Variants in PPA1 observed in about 807,000 individuals in gnomAD.
The protein encoded by PPA1 is inorganic pyrophosphatase.
Under a neutral mutation model 41.8 loss-of-function variants are expected in PPA1, and 23 were observed. The ratio of observed to expected loss-of-function variants is 0.55; its 90% CI spans 0.40 to 0.78. The LOEUF is 0.78. PPA1 is among the 30% of genes least tolerant of loss of function. PPA1 has a pLI of 0.00. For synonymous variants in PPA1, 101 were observed against 116.8 expected (o/e 0.86, Z 0.87); for missense variants, 320 against 361.6 (o/e 0.89, Z 0.93).
intron 9 of PPA1, 173 bp downstream of exon 9, chr10:70,206,091 C>T (rs1839936234): frequency 1.7e-6 from 1 of 596,396 alleles, no homozygotes; most frequent in Admixed American, 2.9e-5. Context: ...GCTTCTCCCT[C>T]AGTCAAATGG....
At chr10:70,216,360 G>A (rs997153192) in intron 4 of PPA1, among the ~76,000 whole-genome samples, 25 of 151,998 alleles carry the variant, frequency 1.6e-4, no homozygotes, top group East Asian at 7.7e-4. Context: ...GGTGGTAGGC[G>A]CCTGTAATCC....
intron 5 of PPA1, 75 bp from the exon 6 acceptor site, chr10:70,213,664 G>C: frequency 6.7e-7 from 1 of 1,483,680 alleles, no homozygotes; most frequent in South Asian, 1.4e-5. Flanking sequence ...TGGCTAACAG[G>C]AAATAAGAAA....
intron 2 of PPA1, among the ~76,000 whole-genome samples, chr10:70,229,433 T>A (rs1405221455): frequency 6.6e-6 from 1 of 152,238 alleles, no homozygotes; most frequent in Non-Finnish European, 1.5e-5. Flanking sequence ...TTCTGGTGTA[T>A]ACAGTTGTAG....
At chr10:70,219,109 C>T (rs1296944894) in intron 2 of PPA1, among the ~76,000 whole-genome samples, 2 of 152,072 alleles carry the variant, frequency 1.3e-5, no homozygotes, top group Non-Finnish European at 2.9e-5. Context: ...TACTGTGTTG[C>T]CCAGGCTGGT....
intron 9 of PPA1, 118 bp from the exon 10 acceptor site, chr10:70,205,033 G>GT: frequency 1.4e-6 from 1 of 699,652 alleles, no homozygotes; most frequent in Admixed American, 2.9e-5. Flanking sequence ...GGATCTAAAC[G>GT]TAATTTATAA....
intron 2 of PPA1, among the ~76,000 whole-genome samples, chr10:70,220,020 T>A (rs1840119458): frequency 6.6e-6 from 1 of 151,004 alleles, no homozygotes; most frequent in Non-Finnish European, 1.5e-5. Context: ...CTCTGCCTCC[T>A]GAGTTCAAGT....
At chr10:70,214,134 C>T (rs1263328191) in intron 5 of PPA1, among the ~76,000 whole-genome samples, 6 of 152,136 alleles carry the variant, frequency 3.9e-5, no homozygotes, top group African/African-American at 1.4e-4. Flanking sequence ...TTATTTGGTT[C>T]GGGTCAATTT....
At chr10:70,214,176 G>A (rs1840052115) in intron 5 of PPA1, among the ~76,000 whole-genome samples, 1 of 152,106 alleles carries the variant, frequency 6.6e-6, no homozygotes, top group African/African-American at 2.4e-5. Flanking sequence ...GGCAAGATTT[G>A]CCATGTTTTG....
At position 70,233,192 on chromosome 10, in the gene PPA1, C is replaced by G. The variant is rs543084158; in HGVS notation, c.64+72G>C. ...CCTGGGGCCGAGCGCGGGCCGCACC[C>G]TCCCGGGGAGGCAAGGCCCGGGAAT... On this transcript the variant is annotated intron_variant, in intron 1 of 10. Transcript: ENST00000373232. The G allele has an allele frequency of 1.7e-5, 25 of 1,485,784 alleles. No homozygotes were observed. The East Asian group carries it at 6.8e-4, about 41-fold the overall frequency. The allele number at this position is 1,485,784 out of a possible 1,614,324, so 92.0% of individuals were successfully genotyped here.
chr10:70,218,688 C>T, intron 3 of PPA1, 76 bp downstream of exon 3: 1 of 1,172,472 alleles, frequency 8.5e-7, no homozygotes, highest in Non-Finnish European at 1.3e-6. Flanking sequence ...TCAGATGGTT[C>T]ATCCTTGATC....
intron 8 of PPA1, 23 bp downstream of exon 8, chr10:70,209,182 A>C: frequency 6.6e-7 from 1 of 1,512,650 alleles, no homozygotes; most frequent in Non-Finnish European, 9.2e-7. Context: ...TGTGTGTTAA[A>C]CATGCAAAGT....
At chr10:70,206,235 G>GTT (rs562005919) in intron 9 of PPA1, 29 bp downstream of exon 9, 92 of 1,291,222 alleles carry the variant, frequency 7.1e-5, no homozygotes, top group Middle Eastern at 2.0e-4. Context: ...AACCAGGCTT[G>GTT]TTTTTTTTTT....
In PPA1 at chr10:70,218,813, A is replaced by G. The variant is rs1840105131; in HGVS notation, c.128T>C (p.Val43Ala). Residue 43 changes from valine to alanine, a missense_variant, in exon 3 of 11, where the codon GTG becomes GCG. Coordinates refer to ENST00000373232, the MANE Select transcript of PPA1 (RefSeq NM_021129.4). ...TGGTACTTCAACTACCATGTGAAAC[A>G]CATCCTGAAAAAACAAAGAGAAAGT... ...HDIPIYADKDVFHMVVEVPRW... is the reference protein window; with the variant it reads ...HDIPIYADKDAFHMVVEVPRW... 6.2e-7 allele frequency: 1 copy of G among 1,611,546 alleles called. No homozygotes were observed. Among genetic ancestry groups the G allele is most frequent in the African/African-American group, 1.3e-5 (1 of 74,866 alleles).
chr10:70,231,599 T>A (rs567204763), intron 1 of PPA1, among the ~76,000 whole-genome samples: 2 of 152,242 alleles, frequency 1.3e-5, no homozygotes, highest in Non-Finnish European at 2.9e-5. Flanking sequence ...AAAGTCCCTT[T>A]AGGGCCAATT....
intron 2 of PPA1, 57 bp from the exon 3 acceptor site, chr10:70,218,874 A>T: frequency 8.0e-7 from 1 of 1,251,218 alleles, no homozygotes; most frequent in South Asian, 1.2e-5. Flanking sequence ...TCTCTGAGGG[A>T]GCATGCACTA....
At chr10:70,224,510 G>A (rs1173828122) in intron 2 of PPA1, among the ~76,000 whole-genome samples, 1 of 152,106 alleles carries the variant, frequency 6.6e-6, no homozygotes, top group East Asian at 1.9e-4. Context: ...GTATGGTGAG[G>A]CCCCGTCTCA....
chr10:70,206,231 G>C (rs758445089), intron 9 of PPA1, 33 bp downstream of exon 9: 16 of 1,522,246 alleles, frequency 1.1e-5, no homozygotes, highest in Middle Eastern at 1.7e-4. Context: ...TAGCAACCAG[G>C]CTTGTTTTTT....
At chr10:70,217,691 G>A (rs1484317167) in intron 4 of PPA1, 121 bp downstream of exon 4, 3 of 842,640 alleles carry the variant, frequency 3.6e-6, no homozygotes, top group African/African-American at 3.5e-5. Flanking sequence ...CCCTTCTTAT[G>A]TTTTCAAAAT....
At chr10:70,218,632 A>AC (rs1840103872) in intron 3 of PPA1, 132 bp downstream of exon 3, 6 of 691,550 alleles carry the variant, frequency 8.7e-6, no homozygotes, top group Admixed American at 7.9e-5. Flanking sequence ...AATGGGAGAT[A>AC]CAACTAGAAA....
Sources: gnomAD v4.1 joint callset for allele counts (sites outside exome capture counted in the v4.1 genomes callset) on GRCh38, gnomAD v4.1.1 for gene constraint, MANE v1.5 for transcripts, NCBI Gene and HGNC (gene_info 2026-07-23, HGNC 2026-07-21) for gene names.